Variants in CFAP251 observed in about 807,000 individuals in gnomAD.
CFAP251 encodes cilia- and flagella-associated protein 251.
Under a neutral mutation model 126.7 loss-of-function variants are expected in CFAP251, and 93 were observed. The observed-to-expected ratio is 0.73, with a 90% confidence interval of 0.62 to 0.87. CFAP251 has a LOEUF of 0.87. Ranked by LOEUF, CFAP251 falls within the 40% of genes least tolerant of loss-of-function variation. CFAP251 has a pLI of 0.00. For missense variants in CFAP251, 1,287 were observed against 1,389.2 expected (o/e 0.93, Z 1.17); for synonymous variants, 503 against 506.9 (o/e 0.99, Z 0.10).
chr12:121,988,699 C>A (rs1882806381), intron 19 of CFAP251, among the ~76,000 whole-genome samples: 1 of 151,224 alleles, frequency 6.6e-6, no homozygotes, highest in Admixed American at 6.6e-5. Flanking sequence ...TGTGAACATT[C>A]GTGTGCAAGT....
chr12:121,959,503 G>A (rs116367696), intron 13 of CFAP251: 128 of 161,442 alleles, frequency 7.9e-4, no homozygotes, highest in Middle Eastern at 3.2e-3. Flanking sequence ...CCACTCCTCC[G>A]GTTTGTGTAC....
At chr12:121,945,444 A>G (rs998471630) in intron 7 of CFAP251, among the ~76,000 whole-genome samples, 1 of 145,518 alleles carries the variant, frequency 6.9e-6, no homozygotes. Context: ...CCTGGGTTCA[A>G]GCGATTCTCC....
intron 3 of CFAP251, among the ~76,000 whole-genome samples, chr12:121,924,323 C>T (rs1245554254): frequency 6.6e-6 from 1 of 151,812 alleles, no homozygotes; most frequent in Non-Finnish European, 1.5e-5. Context: ...CCATGTTGGC[C>T]AGGTTGGTCT....
In CFAP251 at chr12:121,960,733, T is replaced by G. The variant is rs1344400669; in HGVS notation, c.2282T>G (p.Leu761Arg). ...CTGGACAGCAATGAGCCTAGACTGC[T>G]GAGCCTTGGGACAGACAGGCTCTTG... ...VYLDSNEPRL[L>R]SLGTDRLLIE... The change falls in exon 14 of 22, where the codon CTG becomes CGG. Residue 761 changes from leucine (L) to arginine (R), a missense_variant. Physicochemically the swap from Leu to Arg is moderately radical, Grantham distance 102 (BLOSUM62 -2). Coordinates refer to ENST00000288912, the MANE Select transcript of CFAP251 (RefSeq NM_144668.6). 1 of 1,613,708 alleles carries G rather than the reference T, an allele frequency of 6.2e-7. No homozygotes were observed. The highest frequency in any genetic ancestry group is 8.5e-7 in the Non-Finnish European group (1 of 1,179,896).
intron 11 of CFAP251, 56 bp downstream of exon 11, chr12:121,957,324 T>C: frequency 6.6e-7 from 1 of 1,524,196 alleles, no homozygotes; most frequent in Non-Finnish European, 8.9e-7. Context: ...CACTGTCTTC[T>C]TTAGTTTGCA....
intron 1 of CFAP251, among the ~76,000 whole-genome samples, chr12:121,919,243 A>T (rs775501717): frequency 5.3e-5 from 8 of 151,950 alleles, no homozygotes; most frequent in Non-Finnish European, 1.0e-4. Context: ...ACTCTCTGGG[A>T]CTTTATTTTC....
At chr12:121,976,698 G>A (rs529149975) in intron 19 of CFAP251, among the ~76,000 whole-genome samples, 1 of 152,166 alleles carries the variant, frequency 6.6e-6, no homozygotes, top group Admixed American at 6.5e-5. Flanking sequence ...CTTGAGCCCA[G>A]GAGTTTGAGA....
intron 19 of CFAP251, among the ~76,000 whole-genome samples, chr12:121,992,968 CCTCT>C (rs1882910801): frequency 6.9e-6 from 1 of 145,658 alleles, no homozygotes; most frequent in African/African-American, 2.6e-5. Context: ...TCTCCCACTC[CCTCT>C]CCCTCTCCGT....
chr12:122,002,168 A>G (rs771287018), intron 21 of CFAP251, among the ~76,000 whole-genome samples: 2 of 152,112 alleles, frequency 1.3e-5, no homozygotes, highest in African/African-American at 2.4e-5. Context: ...CAGCCTGACC[A>G]ACATGGTGAA....
chr12:121,954,312 A>G lies in CFAP251; in HGVS notation c.1513A>G (p.Thr505Ala). ...KLVHLQKEGI[T>A]VLTTIDSYIV... Reference sequence around the variant, plus strand: ...GGTTCATTTGCAGAAAGAGGGTATCACGGTACTTACCACAATTGATAGGTA... The same window carrying G: ...GGTTCATTTGCAGAAAGAGGGTATCGCGGTACTTACCACAATTGATAGGTA... The change falls in exon 10 of 22, where the codon ACG becomes GCG. Residue 505 changes from threonine (T) to alanine (A), a missense_variant. Physicochemically the swap from Thr to Ala is moderately conservative, Grantham distance 58. Transcript: ENST00000288912. 1 of 1,613,794 alleles carries G rather than the reference A, an allele frequency of 6.2e-7. No individual in the cohort carries two copies. The highest frequency in any genetic ancestry group is 8.5e-7 in the Non-Finnish European group (1 of 1,179,766).
Position 121,975,695 on chromosome 12 carries a change from A to C in CFAP251, c.3006+10A>C, listed in dbSNP as rs992895865. 6.4e-7 allele frequency: 1 copy of C among 1,552,458 alleles called. No individual in the cohort carries two copies. Among genetic ancestry groups the C allele is most frequent in the East Asian group, 2.3e-5 (1 of 43,728 alleles). ...CCCATCTGAAGAGAAGGTAGGGAGA[A>C]CGAAAACAAGAGCAGCAACGGGATG... On this transcript the variant is annotated intron_variant, in intron 19 of 21. Transcript: ENST00000288912.
At chr12:121,970,573 T>G (rs2135795365) in intron 17 of CFAP251, among the ~76,000 whole-genome samples, 2 of 152,350 alleles carry the variant, frequency 1.3e-5, no homozygotes, top group African/African-American at 4.8e-5. Context: ...TTAGCTCCTT[T>G]CCAGAAGTAC....
At chr12:121,952,071 G>C (rs779751194) in intron 9 of CFAP251, among the ~76,000 whole-genome samples, 1 of 151,546 alleles carries the variant, frequency 6.6e-6, no homozygotes, top group East Asian at 1.9e-4. Flanking sequence ...ATATAAAAAC[G>C]TGATGGCTTT....
At position 121,967,004 on chromosome 12, in the gene CFAP251, G is replaced by A. The variant is rs374494299; in HGVS notation, c.2542G>A (p.Val848Ile). ...AYGSPIEQTQ[V>I]LPVRSMAELQ... ...TGGTTCCCCTATTGAGCAGACACAA[G>A]TCCTCCCAGTGAGAAGCATGGCGGA... The change falls in exon 16 of 22, where the codon GTC becomes ATC. Residue 848 changes from valine (V) to isoleucine (I), a missense_variant. By Grantham distance (29) the Val-to-Ile change is conservative. Coordinates refer to ENST00000288912, the MANE Select transcript of CFAP251 (RefSeq NM_144668.6). 117 of 1,614,084 alleles carry A rather than the reference G, an allele frequency of 7.2e-5. No homozygotes were observed. The highest frequency in any genetic ancestry group is 8.9e-5 in the Non-Finnish European group (105 of 1,180,024).
chr12:121,978,118 C>A (rs1411589002), intron 19 of CFAP251, among the ~76,000 whole-genome samples: 1 of 150,544 alleles, frequency 6.6e-6, no homozygotes, highest in Non-Finnish European at 1.5e-5. Flanking sequence ...CAAGGCCGGG[C>A]GCGGTGGCTC....
intron 5 of CFAP251, among the ~76,000 whole-genome samples, chr12:121,940,027 G>A (rs1426022905): frequency 6.6e-6 from 1 of 152,066 alleles, no homozygotes; most frequent in Non-Finnish European, 1.5e-5. Flanking sequence ...TAGTAAATTA[G>A]ACATAAATAT....
intron 20 of CFAP251, 152 bp from the exon 21 acceptor site, chr12:122,001,345 C>T (rs933417022): frequency 2.9e-6 from 2 of 681,516 alleles, no homozygotes; most frequent in African/African-American, 3.6e-5. Flanking sequence ...CATGAGCCAC[C>T]ACGCCCAGCC....
At chr12:121,970,433 A>T (rs1166248627) in intron 17 of CFAP251, among the ~76,000 whole-genome samples, 2 of 151,072 alleles carry the variant, frequency 1.3e-5, no homozygotes, top group African/African-American at 4.9e-5. Flanking sequence ...AAGTCCCTTC[A>T]CTTCTCGGAG....
chr12:122,001,859 G>T, intron 21 of CFAP251: 1 of 485,486 alleles, frequency 2.1e-6, no homozygotes, highest in Non-Finnish European at 3.8e-6. Context: ...TTGCCGGCTT[G>T]GGTGGGTGAA....
Sources: gnomAD v4.1 joint callset for allele counts (sites outside exome capture counted in the v4.1 genomes callset) on GRCh38, gnomAD v4.1.1 for gene constraint, MANE v1.5 for transcripts, NCBI Gene and HGNC (gene_info 2026-07-23, HGNC 2026-07-21) for gene names.